GPC5: variants seen among roughly 807,000 people sequenced by gnomAD.
GPC5 encodes glypican 5, also known as glypican-5.
GPC5 carries 47 observed loss-of-function variants against 53.9 expected under a neutral mutation model. The ratio of observed to expected loss-of-function variants is 0.87; its 90% CI spans 0.69 to 1.11. GPC5 has a LOEUF of 1.11. GPC5 is among the 50% of genes most tolerant of loss of function. The probability of loss-of-function intolerance (pLI) is 0.00; values close to 1 mark genes in which losing one functional copy is unlikely to be tolerated. For synonymous variants in GPC5, 286 were observed against 263.3 expected, an observed-to-expected ratio of 1.09 and a Z score of -0.84; for missense variants, 748 against 713.1, an observed-to-expected ratio of 1.05 and a Z score of -0.56.
rs376755000 is a variant in GPC5, at chr13:91,556,835, G to T, written c.325+107913G>T. 5.3e-5 allele frequency among the ~76,000 whole-genome samples: 8 copies of T among 151,900 alleles called. No homozygotes were observed. In the East Asian group the frequency reaches 1.5e-3, roughly 29 times the overall value. ...GACTCAGGGGAAAGGGTGTGAGGGG[G>T]GTGAGAGATAAAAAACCAAAAATTG... On this transcript the variant is annotated intron_variant, in intron 2 of 7. Coordinates refer to ENST00000377067, the MANE Select transcript of GPC5 (RefSeq NM_004466.6).
chr13:92,330,454 T>C (rs9523630), intron 7 of GPC5, among the ~76,000 whole-genome samples: 5 of 151,918 alleles, frequency 3.3e-5, no homozygotes, highest in Non-Finnish European at 4.4e-5. Context: ...TGTATATTGT[T>C]ATCCTTATGT....
chr13:91,754,817 G>A (rs1041390663), intron 4 of GPC5, among the ~76,000 whole-genome samples: 2 of 152,076 alleles, frequency 1.3e-5, no homozygotes, highest in Non-Finnish European at 2.9e-5. Context: ...TAGTAAATAT[G>A]TAATATAATT....
chr13:92,663,163 G>C (rs1189120560), intron 7 of GPC5, among the ~76,000 whole-genome samples: 2 of 152,144 alleles, frequency 1.3e-5, no homozygotes, highest in Non-Finnish European at 2.9e-5. Flanking sequence ...AGACTGGAAA[G>C]TCTTCACCTA....
chr13:92,021,951 T>C (rs1328096618), intron 6 of GPC5, among the ~76,000 whole-genome samples: 4 of 152,148 alleles, frequency 2.6e-5, no homozygotes, highest in African/African-American at 4.8e-5. Context: ...GTGAGGAACA[T>C]TGATTTATTT....
intron 7 of GPC5, among the ~76,000 whole-genome samples, chr13:92,694,845 G>A (rs941288481): frequency 7.2e-5 from 11 of 152,246 alleles, no homozygotes; most frequent in Admixed American, 7.2e-4. Flanking sequence ...ATATGGTTTG[G>A]CTCTGTGTCC....
intron 6 of GPC5, among the ~76,000 whole-genome samples, chr13:91,940,956 T>C (rs1038171751): frequency 6.6e-6 from 1 of 152,180 alleles, no homozygotes; most frequent in African/African-American, 2.4e-5. Context: ...TTTACTCTGT[T>C]GATAGTTTCT....
At chr13:92,716,935 T>C (rs1326955763) in intron 7 of GPC5, among the ~76,000 whole-genome samples, 4 of 152,182 alleles carry the variant, frequency 2.6e-5, no homozygotes, top group Non-Finnish European at 5.9e-5. Flanking sequence ...GAGGGCAGCA[T>C]AGATAACATT....
chr13:91,620,537 C>T (rs2033825116), intron 2 of GPC5, among the ~76,000 whole-genome samples: 1 of 152,126 alleles, frequency 6.6e-6, no homozygotes. Flanking sequence ...ATCTGTTCTG[C>T]ATCTCTCTTT....
intron 6 of GPC5, among the ~76,000 whole-genome samples, chr13:91,968,940 C>T (rs1444763278): frequency 6.6e-6 from 1 of 151,498 alleles, no homozygotes; most frequent in Non-Finnish European, 1.5e-5. Flanking sequence ...CTTTATCTTT[C>T]TTCTTTCTCT....
chr13:92,640,904 G>A (rs1209554460), intron 7 of GPC5, among the ~76,000 whole-genome samples: 1 of 150,650 alleles, frequency 6.6e-6, no homozygotes, highest in East Asian at 2.0e-4. Context: ...ACATAAATAA[G>A]CAGAGGGGAA....
At chr13:91,808,599 A>G (rs1355996591) in intron 5 of GPC5, among the ~76,000 whole-genome samples, 2 of 152,192 alleles carry the variant, frequency 1.3e-5, no homozygotes, top group East Asian at 3.8e-4. Context: ...CTCATGCTAC[A>G]AAAGAGGAAA....
intron 7 of GPC5, among the ~76,000 whole-genome samples, chr13:92,335,840 T>C (rs1390536199): frequency 6.6e-6 from 1 of 152,184 alleles, no homozygotes; most frequent in Non-Finnish European, 1.5e-5. Context: ...CACCTCAGCA[T>C]TTTGGTAAAG....
chr13:91,666,180 A>T (rs993405017), intron 2 of GPC5, among the ~76,000 whole-genome samples: 2 of 152,206 alleles, frequency 1.3e-5, no homozygotes, highest in African/African-American at 2.4e-5. Context: ...TGGGACATGC[A>T]TAACATTGGT....
intron 5 of GPC5, among the ~76,000 whole-genome samples, chr13:91,772,783 C>T (rs762636829): frequency 1.5e-4 from 23 of 152,070 alleles, no homozygotes; most frequent in Non-Finnish European, 1.2e-4. Flanking sequence ...CTCAGGTCCC[C>T]AACTCAGACC....
chr13:92,060,508 T>C (rs2041113939), intron 6 of GPC5, among the ~76,000 whole-genome samples: 1 of 152,012 alleles, frequency 6.6e-6, no homozygotes, highest in Non-Finnish European at 1.5e-5. Context: ...TCTTCTAAAA[T>C]CTCTTTAAGC....
At position 91,693,291 on chromosome 13, in the gene GPC5, T is replaced by G. The variant is rs769009233; in HGVS notation, c.430T>G (p.Phe144Val). 8 of 1,613,800 alleles carry G rather than the reference T, an allele frequency of 5.0e-6. No individual in the cohort carries two copies. The African/African-American group carries it at 1.1e-4, about 22-fold the overall frequency. The part of the protein sequence containing the change: ...ALEAAASVQE[F>V]FTDVGLYLFG... ...GGAGGCTGCTGCTTCGGTTCAGGAGTTCTTCACTGATGTGGGGCTGTATTT... is the reference window on the plus strand; with the variant it reads ...GGAGGCTGCTGCTTCGGTTCAGGAGGTCTTCACTGATGTGGGGCTGTATTT... Residue 144 changes from phenylalanine to valine, a missense_variant, in exon 3 of 8, where the codon TTC becomes GTC. Phe to Val is a conservative substitution (Grantham distance 50, BLOSUM62 -1). Coordinates refer to ENST00000377067, the MANE Select transcript of GPC5 (RefSeq NM_004466.6).
chr13:91,735,746 T>A (rs919715029), intron 4 of GPC5, among the ~76,000 whole-genome samples: 1 of 151,174 alleles, frequency 6.6e-6, no homozygotes, highest in Admixed American at 6.6e-5. Flanking sequence ...ACTGGTACAG[T>A]TTCCTCCTGC....
intron 7 of GPC5, among the ~76,000 whole-genome samples, chr13:92,484,447 A>G (rs1199551347): frequency 6.6e-6 from 1 of 152,228 alleles, no homozygotes; most frequent in Non-Finnish European, 1.5e-5. Flanking sequence ...TGTACTATAC[A>G]TAATCATGTA....
intron 7 of GPC5, among the ~76,000 whole-genome samples, chr13:92,396,418 G>A (rs1477475260): frequency 2.7e-5 from 4 of 150,146 alleles, no homozygotes; most frequent in Non-Finnish European, 5.9e-5. Flanking sequence ...TAACATATTA[G>A]CCACCATTAT....
Sources: gnomAD v4.1 joint callset for allele counts (sites outside exome capture counted in the v4.1 genomes callset) on GRCh38, gnomAD v4.1.1 for gene constraint, MANE v1.5 for transcripts, NCBI Gene and HGNC (gene_info 2026-07-23, HGNC 2026-07-21) for gene names.